Variants in ZCCHC24 observed in about 807,000 individuals in gnomAD.
ZCCHC24 encodes zinc finger CCHC domain-containing protein 24.
ZCCHC24 carries 10 observed loss-of-function variants against 26.2 expected under a neutral mutation model. The ratio of observed to expected loss-of-function variants is 0.38; its 90% confidence interval spans 0.24 to 0.65. The LOEUF (loss-of-function observed/expected upper bound fraction) is 0.65. ZCCHC24 is among the 30% of genes least tolerant of loss of function. The probability of loss-of-function intolerance (pLI) is 0.54; values close to 1 mark genes in which losing one functional copy is unlikely to be tolerated. For missense variants in ZCCHC24, 243 were observed against 329.1 expected (o/e 0.74, Z 2.03); for synonymous variants, 144 against 147.1 (o/e 0.98, Z 0.15).
intron 2 of ZCCHC24, among the ~76,000 whole-genome samples, chr10:79,418,288 G>T (rs1429389499): frequency 6.6e-6 from 1 of 152,324 alleles, no homozygotes; most frequent in African/African-American, 2.4e-5. Context: ...CATTGCTGAT[G>T]CCACTTCATG....
intron 2 of ZCCHC24, among the ~76,000 whole-genome samples, chr10:79,422,108 G>A (rs541058436): frequency 2.6e-5 from 4 of 152,138 alleles, no homozygotes; most frequent in African/African-American, 7.2e-5. Flanking sequence ...GGCTACCCTG[G>A]TGGGAAGAAG....
At chr10:79,403,305 G>A (rs1856662999) in intron 2 of ZCCHC24, 2 of 808,334 alleles carry the variant, frequency 2.5e-6, no homozygotes, top group Non-Finnish European at 1.5e-6. Context: ...GACGGATGAG[G>A]AAACTGAGGC....
intron 1 of ZCCHC24, among the ~76,000 whole-genome samples, chr10:79,434,965 C>T (rs1030631792): frequency 6.6e-6 from 1 of 152,098 alleles, no homozygotes. Context: ...CCCAGCCCCA[C>T]CCAGCCTTGG....
intron 2 of ZCCHC24, among the ~76,000 whole-genome samples, chr10:79,405,327 A>G (rs1011203934): frequency 6.6e-6 from 1 of 152,198 alleles, no homozygotes; most frequent in Non-Finnish European, 1.5e-5. Flanking sequence ...TCTCACTTCT[A>G]TGGTAGCACT....
rs1039306718 is a variant in ZCCHC24 at position 79,383,207 on chromosome 10, C to G, written c.*3138G>C. 2 of 152,234 alleles carry G rather than the reference C, an allele frequency of 1.3e-5. No homozygotes were observed. Among genetic ancestry groups the G allele is most frequent in the South Asian group, 2.1e-4 (1 of 4,832 alleles). The allele number at this position is 152,234 out of a possible 1,614,324, so 9.4% of individuals were successfully genotyped here. A position where few individuals can be genotyped will look rare whatever the true frequency, so the allele number is the denominator to read the frequency against. On this transcript the variant is annotated 3_prime_UTR_variant, in exon 4 of 4. Coordinates refer to ENST00000372336, the MANE Select transcript of ZCCHC24 (RefSeq NM_153367.4). ...ACAGGACAAGAACATATTAATAAGT[C>G]TAAACACTTGAATAATATGCTGTCT... is the stretch of plus-strand genomic sequence containing the variant.
intron 2 of ZCCHC24, among the ~76,000 whole-genome samples, chr10:79,412,586 G>T (rs1221434028): frequency 2.0e-5 from 3 of 152,224 alleles, no homozygotes; most frequent in Non-Finnish European, 4.4e-5. Flanking sequence ...GCAACCACTA[G>T]CATCTCTTCT....
intron 1 of ZCCHC24, among the ~76,000 whole-genome samples, chr10:79,438,562 C>T (rs1033759755): frequency 6.6e-6 from 1 of 152,198 alleles, no homozygotes; most frequent in Non-Finnish European, 1.5e-5. Context: ...GGGCTGGCCA[C>T]GACAGGCACA....
At chr10:79,406,668 C>A (rs542882337) in intron 2 of ZCCHC24, among the ~76,000 whole-genome samples, 1 of 152,324 alleles carries the variant, frequency 6.6e-6, no homozygotes, top group East Asian at 1.9e-4. Context: ...CCATTTCATC[C>A]TCCCTGTAAC....
intron 2 of ZCCHC24, among the ~76,000 whole-genome samples, chr10:79,401,119 G>C (rs545156520): frequency 6.6e-6 from 1 of 152,376 alleles, no homozygotes; most frequent in Admixed American, 6.5e-5. Context: ...GCTGTGCCCT[G>C]CACGCCAAGA....
At chr10:79,400,887 G>A (rs763833872) in intron 2 of ZCCHC24, among the ~76,000 whole-genome samples, 5 of 152,250 alleles carry the variant, frequency 3.3e-5, no homozygotes, top group Non-Finnish European at 5.9e-5. Flanking sequence ...AGCCAGACAT[G>A]TCCACACACT....
chr10:79,394,036 A>T (rs916274306), intron 3 of ZCCHC24, among the ~76,000 whole-genome samples: 5 of 152,158 alleles, frequency 3.3e-5, no homozygotes, highest in Non-Finnish European at 7.3e-5. Flanking sequence ...TCTCTGTCTC[A>T]CAACAGCACA....
chr10:79,430,657 G>A (rs555677880), intron 2 of ZCCHC24, among the ~76,000 whole-genome samples: 4 of 134,288 alleles, frequency 3.0e-5, no homozygotes, highest in East Asian at 4.8e-4. Flanking sequence ...GATGGTGCAT[G>A]CATGTGCACA....
intron 2 of ZCCHC24, among the ~76,000 whole-genome samples, chr10:79,423,609 A>ATATT (rs1275156307): frequency 1.1e-4 from 15 of 139,808 alleles, no homozygotes; most frequent in Non-Finnish European, 2.0e-4. Flanking sequence ...ATATATATAT[A>ATATT]TTTTCTGACT....
chr10:79,417,868 G>A (rs1353484491), intron 2 of ZCCHC24, among the ~76,000 whole-genome samples: 1 of 152,158 alleles, frequency 6.6e-6, no homozygotes, highest in African/African-American at 2.4e-5. Context: ...GCGGTGTGTT[G>A]AGGAGCCATG....
intron 1 of ZCCHC24, chr10:79,444,251 T>G (rs1201734053): frequency 1.3e-5 from 19 of 1,459,710 alleles, no homozygotes; most frequent in Non-Finnish European, 1.7e-5. Context: ...CAGGAGTAAA[T>G]GGAGGGAGGG....
At chr10:79,401,980 C>T (rs552419122) in intron 2 of ZCCHC24, among the ~76,000 whole-genome samples, 3 of 152,318 alleles carry the variant, frequency 2.0e-5, no homozygotes, top group South Asian at 2.1e-4. Flanking sequence ...CTCAGGAGTT[C>T]GAGAAAGACT....
intron 1 of ZCCHC24, among the ~76,000 whole-genome samples, chr10:79,433,617 G>C (rs1210373184): frequency 6.6e-6 from 1 of 152,234 alleles, no homozygotes; most frequent in Non-Finnish European, 1.5e-5. Context: ...GCTGAAAGAG[G>C]CGGCCTCCCC....
At chr10:79,421,308 C>T (rs1444235442) in intron 2 of ZCCHC24, among the ~76,000 whole-genome samples, 2 of 152,160 alleles carry the variant, frequency 1.3e-5, no homozygotes, top group Non-Finnish European at 2.9e-5. Flanking sequence ...AGCCCAGGCT[C>T]CAGGAGAACC....
chr10:79,428,305 A>G (rs1286242166), intron 2 of ZCCHC24, among the ~76,000 whole-genome samples: 1 of 152,220 alleles, frequency 6.6e-6, no homozygotes, highest in Non-Finnish European at 1.5e-5. Flanking sequence ...TATATGAGGT[A>G]TTTAGAGTAG....
Sources: allele counts gnomAD v4.1 joint callset (sites outside exome capture counted in the v4.1 genomes callset), GRCh38; gene constraint gnomAD v4.1.1; transcripts MANE v1.5; gene names NCBI Gene and HGNC (gene_info 2026-07-23, HGNC 2026-07-21).